APLP2: variants seen among roughly 807,000 people sequenced by gnomAD.
APLP2 encodes the protein CDEI box-binding protein.
Under a neutral mutation model 89.9 loss-of-function variants are expected in APLP2, and 53 were observed. The observed-to-expected ratio is 0.59, with a 90% confidence interval of 0.47 to 0.74. The LOEUF (loss-of-function observed/expected upper bound fraction) is 0.74, where lower values mean the gene tolerates loss of function less well. APLP2 is among the 30% of genes least tolerant of loss of function. The pLI, the probability that APLP2 is intolerant of heterozygous loss-of-function variation, is 0.00. For synonymous variants in APLP2, 372 were observed against 348.6 expected (o/e 1.07, Z -0.75); for missense variants, 973 against 975.9 (o/e 1.00, Z 0.04).
chr11:130,078,975 GCTT>G (rs1245517186), intron 1 of APLP2, among the ~76,000 whole-genome samples: 3 of 152,032 alleles, frequency 2.0e-5, no homozygotes, highest in East Asian at 3.8e-4. Flanking sequence ...TACCAAAACA[GCTT>G]CTTGTTAGAA....
intron 1 of APLP2, among the ~76,000 whole-genome samples, chr11:130,107,304 T>C (rs1947913592): frequency 6.6e-6 from 1 of 152,230 alleles, no homozygotes; most frequent in Admixed American, 6.5e-5. Context: ...TGCAGTTGGA[T>C]TATATGTTCT....
intron 3 of APLP2, among the ~76,000 whole-genome samples, chr11:130,117,870 C>G (rs1470432252): frequency 2.0e-5 from 3 of 152,008 alleles, no homozygotes; most frequent in African/African-American, 7.3e-5. Flanking sequence ...GTCAGTAGAT[C>G]GAGACCATCC....
Position 130,130,091 on chromosome 11 carries a change from T to C in APLP2, c.1509T>C (p.Asp503=). Reference sequence around the variant, plus strand: ...GTTATGTCCGTGCTGAGAACAAAGATCGCTTACATACCATCCGTCATTACC... The same window carrying C: ...GTTATGTCCGTGCTGAGAACAAAGACCGCTTACATACCATCCGTCATTACC... ...LRRYVRAENK[D]RLHTIRHYQH... is the part of the protein sequence containing the mutation. Residue 503 remains aspartate (D), a synonymous_variant, in exon 11 of 17, where the codon GAT becomes GAC. Transcript: ENST00000338167. The C allele has an allele frequency of 6.2e-7, 1 of 1,614,246 alleles. No individual in the cohort carries two copies. Among genetic ancestry groups the C allele is most frequent in the South Asian group, 1.1e-5 (1 of 91,090 alleles).
At chr11:130,137,511 C>T (rs747731968) in intron 13 of APLP2, among the ~76,000 whole-genome samples, 2 of 152,300 alleles carry the variant, frequency 1.3e-5, no homozygotes, top group African/African-American at 2.4e-5. Context: ...TTGGTTACCT[C>T]GTGGTCATGC....
chr11:130,093,640 C>T (rs1945757565), intron 1 of APLP2, among the ~76,000 whole-genome samples: 2 of 152,166 alleles, frequency 1.3e-5, no homozygotes. Flanking sequence ...CCAACAGGGC[C>T]ACTGAGAGCT....
chr11:130,122,724 G>A (rs1002083955), intron 6 of APLP2, among the ~76,000 whole-genome samples: 3 of 152,188 alleles, frequency 2.0e-5, no homozygotes, highest in African/African-American at 7.2e-5. Context: ...ATGTAGGATT[G>A]AATTAGAGAA....
In APLP2 at chr11:130,109,568, A is replaced by G. The variant is rs1948274436; in HGVS notation, c.245A>G (p.Glu82Gly). 2 of 1,613,450 alleles carry G rather than the reference A, an allele frequency of 1.2e-6. No homozygotes were observed. Among genetic ancestry groups the G allele is most frequent in the Non-Finnish European group, 1.7e-6 (2 of 1,179,758 alleles). The change falls in exon 2 of 17, where the codon GAA becomes GGA. Residue 82 changes from glutamate to glycine, a missense_variant. Coordinates refer to ENST00000338167, the MANE Select transcript of APLP2 (RefSeq NM_001142276.2). ...PDPTGTKSCF[E>G]TKEEVLQYCQ... ...CCAACAGGCACCAAGAGCTGCTTTG[A>G]AACAAAAGAAGAAGTTCTTCAGTAC...
rs778554833 is a variant in APLP2, at chr11:130,129,216, G to T, written c.1455+10G>T. 6.2e-7 allele frequency: 1 copy of T among 1,610,702 alleles called. No individual in the cohort carries two copies. The highest frequency in any genetic ancestry group is 2.2e-5 in the East Asian group (1 of 44,836). On this transcript the variant is annotated intron_variant, in intron 10 of 16. Coordinates refer to ENST00000338167, the MANE Select transcript of APLP2 (RefSeq NM_001142276.2). ...GTCTGACCCGCCACGGGTGAGTCCT[G>T]CCCCTAGCACTGCCTGCCCTGAGGT...
At chr11:130,091,560 C>T (rs1340432196) in intron 1 of APLP2, among the ~76,000 whole-genome samples, 3 of 142,878 alleles carry the variant, frequency 2.1e-5, no homozygotes, top group East Asian at 2.2e-4. Flanking sequence ...CCCCACCTCC[C>T]TCCCGGACGG....
intron 13 of APLP2, among the ~76,000 whole-genome samples, chr11:130,136,681 A>G (rs1050928370): frequency 3.3e-5 from 5 of 152,188 alleles, no homozygotes; most frequent in African/African-American, 9.7e-5. Flanking sequence ...GCGATCCCAG[A>G]GCAGTTGACT....
chr11:130,081,109 C>T (rs1943078959), intron 1 of APLP2, among the ~76,000 whole-genome samples: 1 of 151,912 alleles, frequency 6.6e-6, no homozygotes, highest in Non-Finnish European at 1.5e-5. Context: ...AACAAACCCC[C>T]CCAAAAACAA....
intron 1 of APLP2, among the ~76,000 whole-genome samples, chr11:130,087,175 T>G (rs1944237286): frequency 6.6e-6 from 1 of 152,142 alleles, no homozygotes; most frequent in African/African-American, 2.4e-5. Flanking sequence ...GTGTAAGGTG[T>G]TTGGTGAATT....
chr11:130,086,923 C>T (rs1422758768), intron 1 of APLP2, among the ~76,000 whole-genome samples: 1 of 151,224 alleles, frequency 6.6e-6, no homozygotes, highest in African/African-American at 2.4e-5. Context: ...TATGAGTCTT[C>T]CGTCTCAAGA....
At chr11:130,140,654 G>A in intron 14 of APLP2, 171 bp downstream of exon 14, 1 of 445,248 alleles carries the variant, frequency 2.2e-6, no homozygotes, top group Non-Finnish European at 4.0e-6. Context: ...TTAGCATCTG[G>A]GTATGAAAAG....
rs557436771 is a variant in APLP2 at position 130,126,046 on chromosome 11, G to T, written c.1091-654G>T. On this transcript the variant is annotated intron_variant, in intron 7 of 16. Transcript: ENST00000338167. ...CCCTATCTTCATATCGGTGAAAGGTGTCCTTGTCAAATAGAGCAACTCAGT... is the reference window on the plus strand; with the variant it reads ...CCCTATCTTCATATCGGTGAAAGGTTTCCTTGTCAAATAGAGCAACTCAGT... 2.0e-5 allele frequency among the ~76,000 whole-genome samples: 3 copies of T among 152,306 alleles called. No individual in the cohort carries two copies. In the South Asian group the frequency reaches 6.2e-4, roughly 32 times the overall value.
intron 9 of APLP2, among the ~76,000 whole-genome samples, chr11:130,128,237 A>T (rs1591834854): frequency 6.6e-6 from 1 of 152,246 alleles, no homozygotes. Context: ...CTAACTTTGT[A>T]GACTATAACT....
intron 1 of APLP2, among the ~76,000 whole-genome samples, chr11:130,105,554 AC>A (rs1947577131): frequency 6.6e-6 from 1 of 152,204 alleles, no homozygotes; most frequent in Non-Finnish European, 1.5e-5. Flanking sequence ...TAACTTAAGA[AC>A]TGTTATTTGT....
rs1233700827 is a variant in APLP2 at position 130,123,628 on chromosome 11, G to A, written c.939G>A (p.Glu313=). ...TTCACACAGCTGTCTGCTCCCAGGA[G>A]GCGATGACGGGGCCCTGCCGGGCCG... ...THDVKAVCSQ[E]AMTGPCRAVM... The change falls in exon 7 of 17, where the codon GAG becomes GAA. Residue 313 remains glutamate, a synonymous_variant. Coordinates refer to ENST00000338167, the MANE Select transcript of APLP2 (RefSeq NM_001142276.2). The surrounding 1 kb of genome is among the most constrained non-coding windows in gnomAD (Gnocchi z 4.0). 2.5e-6 allele frequency: 4 copies of A among 1,614,032 alleles called. No individual in the cohort carries two copies. In the Admixed American group the frequency reaches 5.0e-5, roughly 20 times the overall value.
intron 1 of APLP2, chr11:130,070,576 C>T: frequency 2.3e-6 from 3 of 1,304,526 alleles, no homozygotes; most frequent in Non-Finnish European, 2.9e-6. Flanking sequence ...CCTTTGTTGC[C>T]AGGTGGACGC....
Sources: allele counts gnomAD v4.1 joint callset (sites outside exome capture counted in the v4.1 genomes callset), GRCh38; gene constraint gnomAD v4.1.1; non-coding constraint Gnocchi (gnomAD v3.1); transcripts MANE v1.5; gene names NCBI Gene and HGNC (gene_info 2026-07-23, HGNC 2026-07-21).